TBCD: variants seen among roughly 807,000 people sequenced by gnomAD.
TBCD encodes the protein tubulin folding cofactor D, also known as tubulin-specific chaperone D.
In TBCD, 105 loss-of-function variants were observed where a neutral mutation model predicts 169.3. That is an observed-to-expected ratio of 0.62 (90% CI 0.53 to 0.73). The LOEUF (loss-of-function observed/expected upper bound fraction) is 0.73. Ranked by LOEUF, TBCD falls within the 30% of genes least tolerant of loss-of-function variation. The pLI, the probability that TBCD is intolerant of heterozygous loss-of-function variation, is 0.00. For synonymous variants in TBCD, 700 were observed against 643.9 expected (o/e 1.09, Z -1.32); for missense variants, 1,444 against 1,600.1 (o/e 0.90, Z 1.66).
At chr17:82,784,870 G>A (rs976848383) in intron 7 of TBCD, among the ~76,000 whole-genome samples, 1 of 152,200 alleles carries the variant, frequency 6.6e-6, no homozygotes, top group African/African-American at 2.4e-5. Context: ...GCAGCTCCCC[G>A]AACCATTGCA....
chr17:82,764,066 A>C lies in TBCD; in HGVS notation c.333+4A>C. 6.2e-7 allele frequency: 1 copy of C among 1,607,942 alleles called. No individual in the cohort carries two copies. The highest frequency in any genetic ancestry group is 1.1e-5 in the South Asian group (1 of 90,770). ...ATTTCTTTACATCATCACCAAGGTA[A>C]CATTTCCATAGCACTTCAGAGTTGA... On this transcript the variant is annotated splice_donor_region_variant and intron_variant, in intron 3 of 38. Coordinates refer to ENST00000355528, the MANE Select transcript of TBCD (RefSeq NM_005993.5).
intron 13 of TBCD, among the ~76,000 whole-genome samples, chr17:82,849,458 T>C (rs1286114673): frequency 6.6e-6 from 1 of 152,252 alleles, no homozygotes; most frequent in African/African-American, 2.4e-5. Flanking sequence ...TGGCCCCTTT[T>C]CATATCTTCC....
intron 6 of TBCD, among the ~76,000 whole-genome samples, chr17:82,777,269 C>A (rs2048658894): frequency 6.6e-6 from 1 of 152,122 alleles, no homozygotes. Context: ...AGTAGGTAAC[C>A]AGTTGCTTTA....
intron 13 of TBCD, among the ~76,000 whole-genome samples, chr17:82,826,139 C>T (rs2052825371): frequency 6.6e-6 from 1 of 151,368 alleles, no homozygotes; most frequent in South Asian, 2.1e-4. Context: ...AAGAAAATAA[C>T]ATAAACATAA....
chr17:82,797,235 C>A (rs766071967), intron 7 of TBCD, among the ~76,000 whole-genome samples: 1 of 152,064 alleles, frequency 6.6e-6, no homozygotes, highest in African/African-American at 2.4e-5. Flanking sequence ...TGATGACGTC[C>A]GTGTGTGCGC....
intron 4 of TBCD, among the ~76,000 whole-genome samples, 157 bp downstream of exon 4, chr17:82,766,525 CCTTTA>C (rs1463602122): frequency 2.0e-5 from 3 of 151,972 alleles, no homozygotes; most frequent in Admixed American, 6.6e-5. Flanking sequence ...TTTCACTTTT[CCTTTA>C]CTTCTTGTAC....
At chr17:82,845,004 C>T (rs914937067) in intron 13 of TBCD, among the ~76,000 whole-genome samples, 1 of 152,002 alleles carries the variant, frequency 6.6e-6, no homozygotes, top group Non-Finnish European at 1.5e-5. Context: ...GGGGGTGCTT[C>T]CCTGGGTGGG....
chr17:82,938,374 G>T (rs1049614618), intron 36 of TBCD, among the ~76,000 whole-genome samples: 4 of 152,202 alleles, frequency 2.6e-5, no homozygotes, highest in African/African-American at 9.7e-5. Flanking sequence ...ATTGAGGGGT[G>T]ACCTGGCGGT....
Position 82,923,633 on chromosome 17 carries a change from C to T in TBCD, c.2179-19C>T, listed in dbSNP as rs557608255. The T allele has an allele frequency of 3.2e-6, 5 of 1,555,348 alleles. No individual in the cohort carries two copies. Among genetic ancestry groups the T allele is most frequent in the African/African-American group, 2.7e-5 (2 of 73,590 alleles). On this transcript the variant is annotated intron_variant, in intron 25 of 38. Transcript: ENST00000355528. The surrounding 1 kb of genome is among the most constrained non-coding windows in gnomAD (Gnocchi z 4.6). ...CCGAGCAGAGCTGCTGTGCGCTCAC[C>T]GTGCTGCCTTTGTTTTAGGATGCAG... is the stretch of plus-strand genomic sequence containing the variant.
intron 14 of TBCD, among the ~76,000 whole-genome samples, chr17:82,875,601 G>A (rs1446890581): frequency 6.6e-6 from 1 of 152,190 alleles, no homozygotes; most frequent in Non-Finnish European, 1.5e-5. Flanking sequence ...GCTGAGCGGC[G>A]CGGCCCAGGG....
At chr17:82,859,013 A>G (rs2056543219) in intron 13 of TBCD, among the ~76,000 whole-genome samples, 1 of 152,146 alleles carries the variant, frequency 6.6e-6, no homozygotes, top group Non-Finnish European at 1.5e-5. Flanking sequence ...TCCCACCCTC[A>G]TTGTCTTTGC....
At chr17:82,849,886 C>T (rs999629731) in intron 13 of TBCD, among the ~76,000 whole-genome samples, 36 of 151,308 alleles carry the variant, frequency 2.4e-4, no homozygotes, top group East Asian at 9.6e-4. Context: ...GGCTGTGCTG[C>T]TGTTGGCTGT....
intron 7 of TBCD, among the ~76,000 whole-genome samples, chr17:82,788,083 A>G (rs1033254395): frequency 5.9e-5 from 9 of 152,022 alleles, no homozygotes; most frequent in Admixed American, 4.6e-4. Context: ...CTAAAAATAC[A>G]AAAAATTAGT....
At chr17:82,763,936 C>T in intron 2 of TBCD, 29 bp from the exon 3 acceptor site, 3 of 1,588,000 alleles carry the variant, frequency 1.9e-6, no homozygotes, top group African/African-American at 1.3e-5. Flanking sequence ...TTCACTTTTA[C>T]AGTAAATGTT....
chr17:82,762,315 CAAAA>C (rs35386796), intron 2 of TBCD, among the ~76,000 whole-genome samples: 110 of 91,466 alleles, frequency 1.2e-3, no homozygotes, highest in African/African-American at 4.7e-3. Flanking sequence ...GACTCCGTCT[CAAAA>C]AAAAAAAAAA....
Position 82,831,890 on chromosome 17 carries a change from C to G in TBCD, c.1318+16956C>G, listed in dbSNP as rs755442581. On this transcript the variant is annotated intron_variant, in intron 13 of 38. Transcript: ENST00000355528. The surrounding 1 kb of genome is among the most constrained non-coding windows in gnomAD (Gnocchi z 4.6). The stretch of plus-strand genomic sequence containing the variant: ...TTGGTGTGGAAAGACACGGCCTTGG[C>G]AGTGGGGTTGTGTAAAGCCAGTGTC... 6.2e-7 allele frequency: 1 copy of G among 1,614,130 alleles called. No homozygotes were observed. Among genetic ancestry groups the G allele is most frequent in the Non-Finnish European group, 8.5e-7 (1 of 1,180,020 alleles).
chr17:82,848,264 G>A (rs1009438577), intron 13 of TBCD, among the ~76,000 whole-genome samples: 6 of 152,184 alleles, frequency 3.9e-5, no homozygotes, highest in African/African-American at 1.4e-4. Flanking sequence ...GAGGGCGAGC[G>A]GCTTTTGGTT....
chr17:82,941,572 C>T (rs1358068917), intron 38 of TBCD, 89 bp downstream of exon 38: 4 of 1,188,288 alleles, frequency 3.4e-6, no homozygotes, highest in Admixed American at 4.3e-5. Flanking sequence ...TAGCTTCTGC[C>T]AGCACGTCCA....
chr17:82,942,490 C>G lies in TBCD; in HGVS notation c.*27C>G. 1 of 1,613,922 alleles carries G rather than the reference C, an allele frequency of 6.2e-7. No individual in the cohort carries two copies. The highest frequency in any genetic ancestry group is 8.5e-7 in the Non-Finnish European group (1 of 1,179,868). ...GCCAGTCCTGGAGCCCATACCTCAC[C>G]CCTGCCTGGTGAGGATGTCTTGTTC... On this transcript the variant is annotated 3_prime_UTR_variant, in exon 39 of 39. Coordinates refer to ENST00000355528, the MANE Select transcript of TBCD (RefSeq NM_005993.5).
Sources: allele counts gnomAD v4.1 joint callset (sites outside exome capture counted in the v4.1 genomes callset), GRCh38; gene constraint gnomAD v4.1.1; non-coding constraint Gnocchi (gnomAD v3.1); transcripts MANE v1.5; gene names NCBI Gene and HGNC (gene_info 2026-07-23, HGNC 2026-07-21).